The following SNX29 variants were observed in gnomAD, a reference collection of about 807,000 sequenced individuals.
SNX29 encodes sorting nexin-29.
A neutral mutation model predicts 102.1 loss-of-function variants in SNX29; 78 were observed. That is an observed-to-expected ratio of 0.76 (90% CI 0.64 to 0.92). The LOEUF is 0.92. Ranked by LOEUF, SNX29 falls within the 40% of genes least tolerant of loss-of-function variation. The pLI, the probability that SNX29 is intolerant of heterozygous loss-of-function variation, is 0.00. For synonymous variants in SNX29, 580 were observed against 414.5 expected (o/e 1.40, Z -4.85); for missense variants, 1,280 against 1,061.7 (o/e 1.21, Z -2.86).
At chr16:12,540,942 G>A (rs1597838133) in intron 20 of SNX29, among the ~76,000 whole-genome samples, 1 of 152,196 alleles carries the variant, frequency 6.6e-6, no homozygotes, top group East Asian at 1.9e-4. Flanking sequence ...CACTTTTGGG[G>A]TCAGGCTGCC....
At chr16:12,258,477 G>A (rs1490820900) in intron 14 of SNX29, among the ~76,000 whole-genome samples, 1 of 152,120 alleles carries the variant, frequency 6.6e-6, no homozygotes, top group African/African-American at 2.4e-5. Context: ...CTCTCCTGAG[G>A]CACCCTCTCC....
intron 18 of SNX29, among the ~76,000 whole-genome samples, chr16:12,423,148 C>T (rs74418906): frequency 0.02 from 2,995 of 151,946 alleles, 64 homozygotes; most frequent in Non-Finnish European, 0.032. Flanking sequence ...GATGGACCCT[C>T]GGCTCGCTAA....
At chr16:12,411,217 G>C (rs945800911) in intron 18 of SNX29, among the ~76,000 whole-genome samples, 6 of 152,182 alleles carry the variant, frequency 3.9e-5, no homozygotes, top group Non-Finnish European at 7.3e-5. Context: ...TTGTATACCA[G>C]GTAGACAGGA....
chr16:12,187,057 C>G (rs937242428), intron 13 of SNX29, among the ~76,000 whole-genome samples: 4 of 152,204 alleles, frequency 2.6e-5, no homozygotes, highest in African/African-American at 9.7e-5. Context: ...CCGGAGGAAT[C>G]CGGACTTCCA....
chr16:12,496,014 C>G (rs576706496), intron 19 of SNX29, among the ~76,000 whole-genome samples: 2 of 152,244 alleles, frequency 1.3e-5, no homozygotes, highest in South Asian at 4.1e-4. Flanking sequence ...TGCCACTGCA[C>G]TCCAGCCTGG....
At chr16:11,983,756 C>G (rs2055485932) in intron 1 of SNX29, 1 of 957,858 alleles carries the variant, frequency 1.0e-6, no homozygotes, top group African/African-American at 1.8e-5. Context: ...AAATTTGGAA[C>G]TAAAATCCAA....
chr16:12,326,571 T>A (rs771243173), intron 15 of SNX29, among the ~76,000 whole-genome samples: 1 of 152,130 alleles, frequency 6.6e-6, no homozygotes, highest in Non-Finnish European at 1.5e-5. Context: ...ATGGGTGGGA[T>A]TGTGTTCCAA....
chr16:12,063,986 T>TGGTC (rs1488564405), intron 9 of SNX29, among the ~76,000 whole-genome samples: 1 of 151,982 alleles, frequency 6.6e-6, no homozygotes, highest in Non-Finnish European at 1.5e-5. Context: ...AGAGAGCAGG[T>TGGTC]GGTCCCAGGA....
intron 15 of SNX29, among the ~76,000 whole-genome samples, chr16:12,298,322 A>T (rs1011901479): frequency 1.3e-5 from 2 of 152,182 alleles, no homozygotes; most frequent in Non-Finnish European, 2.9e-5. Flanking sequence ...GATAACACAG[A>T]TAATTTCCTT....
chr16:12,115,054 G>C (rs1311716373), intron 11 of SNX29, among the ~76,000 whole-genome samples: 1 of 152,184 alleles, frequency 6.6e-6, no homozygotes, highest in Non-Finnish European at 1.5e-5. Context: ...GACACCACCA[G>C]TTCCATCAAA....
At chr16:12,555,379 G>C (rs1461560708) in intron 20 of SNX29, among the ~76,000 whole-genome samples, 1 of 152,000 alleles carries the variant, frequency 6.6e-6, no homozygotes, top group Non-Finnish European at 1.5e-5. Flanking sequence ...GGCGCTCCCT[G>C]TCTTTCCCTG....
At chr16:12,041,710 G>C (rs1295869089) in intron 4 of SNX29, among the ~76,000 whole-genome samples, 1 of 152,118 alleles carries the variant, frequency 6.6e-6, no homozygotes, top group Non-Finnish European at 1.5e-5. Flanking sequence ...CTCTCTGCCT[G>C]CCTCTTATGA....
intron 18 of SNX29, among the ~76,000 whole-genome samples, chr16:12,420,516 T>G (rs2084830274): frequency 6.6e-6 from 1 of 152,172 alleles, no homozygotes; most frequent in Non-Finnish European, 1.5e-5. Context: ...TTGGCAAGTG[T>G]TTGACATGGA....
At chr16:12,496,699 C>T (rs931394790) in intron 19 of SNX29, among the ~76,000 whole-genome samples, 1 of 151,896 alleles carries the variant, frequency 6.6e-6, no homozygotes, top group Non-Finnish European at 1.5e-5. Context: ...TTAGTAGAGA[C>T]AGGGTTTCAC....
chr16:12,365,326 TTGTGTG>T lies in SNX29; in HGVS notation c.1899+9081_1899+9086del, dbSNP rs58869867. Among the ~76,000 whole-genome samples, 44 of 139,862 alleles carry T rather than the reference TTGTGTG, an allele frequency of 3.1e-4. No homozygotes were observed. The South Asian group carries it at 4.3e-3, about 14-fold the overall frequency. 91.8% of individuals were successfully genotyped at this position (139,862 alleles called of 152,430 possible). On this transcript the variant is annotated intron_variant, in intron 16 of 20. Coordinates refer to ENST00000566228, the MANE Select transcript of SNX29 (RefSeq NM_032167.5). ...TCCTTCTCACTTCATACATCAGGAT[TTGTGTG>T]TGTGTGTGTGTGTGTGTGTGTGTGT...
intron 19 of SNX29, among the ~76,000 whole-genome samples, chr16:12,495,626 A>G (rs1597606489): frequency 6.6e-6 from 1 of 152,220 alleles, no homozygotes; most frequent in Admixed American, 6.5e-5. Context: ...TGGCCGGCGG[A>G]GCCATTGAAG....
intron 18 of SNX29, among the ~76,000 whole-genome samples, chr16:12,418,971 G>C (rs943030195): frequency 1.3e-5 from 2 of 152,176 alleles, no homozygotes; most frequent in African/African-American, 4.8e-5. Flanking sequence ...TCCCTTGCTA[G>C]ACTGAGTGGA....
intron 20 of SNX29, among the ~76,000 whole-genome samples, chr16:12,529,810 C>A (rs773829017): frequency 1.3e-5 from 2 of 152,214 alleles, no homozygotes; most frequent in Admixed American, 1.3e-4. Context: ...GACCTGTGCA[C>A]TGCCAGGGGT....
chr16:12,555,221 T>TACA (rs1244318097), intron 20 of SNX29, among the ~76,000 whole-genome samples: 1 of 151,614 alleles, frequency 6.6e-6, no homozygotes, highest in African/African-American at 2.4e-5. Context: ...AGCTGCTGGG[T>TACA]ACAGGGAGAA....
Sources: allele counts gnomAD v4.1 joint callset (sites outside exome capture counted in the v4.1 genomes callset), GRCh38; gene constraint gnomAD v4.1.1; transcripts MANE v1.5; gene names NCBI Gene and HGNC (gene_info 2026-07-23, HGNC 2026-07-21).